Variants in NRXN3 observed in about 807,000 individuals in gnomAD.
The protein encoded by NRXN3 is neurexin 3, also known as neurexin III.
Under a neutral mutation model 137.6 loss-of-function variants are expected in NRXN3, and 32 were observed. The ratio of observed to expected loss-of-function variants is 0.23; its 90% CI spans 0.18 to 0.31. The LOEUF is 0.31. Ranked by LOEUF, NRXN3 falls within the 10% of genes least tolerant of loss-of-function variation. The pLI, the probability that NRXN3 is intolerant of heterozygous loss-of-function variation, is 1.00. For missense variants in NRXN3, 1,574 were observed against 2,062.5 expected, an observed-to-expected ratio of 0.76 and a Z score of 4.59; for synonymous variants, 798 against 784.5, an observed-to-expected ratio of 1.02 and a Z score of -0.29.
At position 79,253,065 on chromosome 14, in the gene NRXN3, A is replaced by G. The variant is rs111797440; in HGVS notation, c.3263-214156A>G. On this transcript the variant is annotated intron_variant, in intron 15 of 20. Coordinates refer to ENST00000335750, the MANE Select transcript of NRXN3 (RefSeq NM_001330195.2). ...ACATGACCCATTGACTAGACCAAGT[A>G]GCGTGACCTGGATGTTGAGGGAAGG... Among the ~76,000 whole-genome samples the G allele has an allele frequency of 7.3e-3, 1,106 of 152,304 alleles. 15 individuals are homozygous for G. Among genetic ancestry groups the G allele is most frequent in the African/African-American group, 0.024 (1,009 of 41,568 alleles).
chr14:79,154,183 C>T (rs1189844755), intron 15 of NRXN3, among the ~76,000 whole-genome samples: 2 of 151,980 alleles, frequency 1.3e-5, no homozygotes, highest in Non-Finnish European at 2.9e-5. Flanking sequence ...ATTCACTTAG[C>T]TTGCAATGTG....
At chr14:78,387,050 G>T (rs955888196) in intron 4 of NRXN3, among the ~76,000 whole-genome samples, 11 of 152,028 alleles carry the variant, frequency 7.2e-5, no homozygotes, top group African/African-American at 1.9e-4. Flanking sequence ...CAAAATGCTG[G>T]GATTACAGGT....
At chr14:78,596,522 C>G (rs994766150) in intron 4 of NRXN3, among the ~76,000 whole-genome samples, 10 of 152,298 alleles carry the variant, frequency 6.6e-5, no homozygotes, top group Middle Eastern at 3.4e-3. Context: ...CATAAAAGTA[C>G]TATATACGTG....
At chr14:78,551,053 C>T (rs557411248) in intron 4 of NRXN3, among the ~76,000 whole-genome samples, 1 of 152,252 alleles carries the variant, frequency 6.6e-6, no homozygotes, top group South Asian at 2.1e-4. Flanking sequence ...GATACAAGAC[C>T]TTTCTCATAC....
Position 79,861,762 on chromosome 14 carries a change from C to T in NRXN3, c.4514C>T (p.Ala1505Val). Residue 1505 changes from alanine (A) to valine (V), a missense_variant, in exon 21 of 21, where the codon GCT becomes GTT. Around this residue, in one of 5 missense-constraint regions of NRXN3, gnomAD observed 320 missense variants for 387.1 expected, o/e 0.83. Coordinates refer to ENST00000335750, the MANE Select transcript of NRXN3 (RefSeq NM_001330195.2). This position sits in a 1 kb window ranked among gnomAD's most constrained non-coding sequence, Gnocchi z 5.4. ...GGGATGGTCGTCGGCATTGTGGCTG[C>T]TGCCGCCCTCTGCATCTTGATCCTC... ...TTGMVVGIVAAAALCILILLY... is the reference protein window; with the variant it reads ...TTGMVVGIVAVAALCILILLY... 6.2e-7 allele frequency: 1 copy of T among 1,613,760 alleles called. No homozygotes were observed. The highest frequency in any genetic ancestry group is 8.5e-7 in the Non-Finnish European group (1 of 1,179,952).
intron 4 of NRXN3, among the ~76,000 whole-genome samples, chr14:78,460,458 A>T (rs944797112): frequency 1.3e-5 from 2 of 152,276 alleles, no homozygotes; most frequent in East Asian, 3.9e-4. Flanking sequence ...TAGTCATTTC[A>T]TTGGCATATA....
At chr14:78,825,144 C>A (rs1204752474) in intron 10 of NRXN3, among the ~76,000 whole-genome samples, 2 of 145,006 alleles carry the variant, frequency 1.4e-5, no homozygotes, top group African/African-American at 5.1e-5. Flanking sequence ...TTGCAGTGAG[C>A]CGAGATTGCA....
At chr14:79,793,085 A>G (rs2099150323) in intron 19 of NRXN3, among the ~76,000 whole-genome samples, 1 of 152,144 alleles carries the variant, frequency 6.6e-6, no homozygotes, top group African/African-American at 2.4e-5. Flanking sequence ...ACACCAATAC[A>G]GGAATACTAG....
chr14:79,023,711 A>G (rs2099593583), intron 15 of NRXN3, among the ~76,000 whole-genome samples: 1 of 152,136 alleles, frequency 6.6e-6, no homozygotes, highest in Non-Finnish European at 1.5e-5. Context: ...TGCCGAGCAA[A>G]GGGGAAAGGC....
At chr14:79,233,666 CTGTGTGTG>C (rs143246182) in intron 15 of NRXN3, among the ~76,000 whole-genome samples, 1 of 144,980 alleles carries the variant, frequency 6.9e-6, no homozygotes, top group African/African-American at 2.5e-5. Context: ...AGTATAACTG[CTGTGTGTG>C]TGTGTGTGTG....
chr14:79,208,777 G>A (rs1036522363), intron 15 of NRXN3, among the ~76,000 whole-genome samples: 6 of 152,174 alleles, frequency 3.9e-5, no homozygotes, highest in African/African-American at 1.4e-4. Flanking sequence ...ATGTAAAAAT[G>A]TTTGTAATTA....
chr14:78,863,156 C>G, intron 10 of NRXN3, among the ~76,000 whole-genome samples: 1 of 152,090 alleles, frequency 6.6e-6, no homozygotes. Context: ...GTCCACAAGT[C>G]AGGCTACAAT....
chr14:79,198,215 T>C (rs1317841644), intron 15 of NRXN3, among the ~76,000 whole-genome samples: 1 of 152,334 alleles, frequency 6.6e-6, no homozygotes, highest in Admixed American at 6.5e-5. Context: ...TGTGCTCTTG[T>C]TTTGAATTGC....
intron 20 of NRXN3, among the ~76,000 whole-genome samples, chr14:79,811,683 G>A (rs547360292): frequency 1.4e-4 from 21 of 146,754 alleles, no homozygotes; most frequent in African/African-American, 5.0e-4. Flanking sequence ...GTGGGTTCAC[G>A]CCATTGTCCT....
chr14:79,557,363 C>T (rs1010683833), intron 16 of NRXN3, among the ~76,000 whole-genome samples: 3 of 152,044 alleles, frequency 2.0e-5, no homozygotes, highest in Non-Finnish European at 4.4e-5. Context: ...GTTCATAGAA[C>T]TCATTATATA....
At chr14:79,805,224 T>A in intron 20 of NRXN3, 34 bp downstream of exon 20, 1 of 1,570,108 alleles carries the variant, frequency 6.4e-7, no homozygotes, top group South Asian at 1.1e-5. Context: ...GCTTGCTTTC[T>A]TTTTTCTTTT....
At chr14:79,211,199 G>A (rs935287896) in intron 15 of NRXN3, among the ~76,000 whole-genome samples, 4 of 152,090 alleles carry the variant, frequency 2.6e-5, no homozygotes, top group African/African-American at 9.7e-5. Context: ...CTGTGCCTCA[G>A]TTTTCTCATC....
At chr14:79,670,796 G>A (rs1272005946) in intron 17 of NRXN3, among the ~76,000 whole-genome samples, 1 of 152,096 alleles carries the variant, frequency 6.6e-6, no homozygotes, top group East Asian at 1.9e-4. Context: ...ACCTGCAGGT[G>A]TATTGTCTGG....
At chr14:78,307,876 A>G (rs989104189) in intron 4 of NRXN3, among the ~76,000 whole-genome samples, 1 of 152,142 alleles carries the variant, frequency 6.6e-6, no homozygotes, top group African/African-American at 2.4e-5. Context: ...CCTTTTAATA[A>G]GCTACTAACT....
Sources: gnomAD v4.1 joint callset for allele counts (sites outside exome capture counted in the v4.1 genomes callset) on GRCh38, gnomAD v4.1.1 for gene constraint, gnomAD v4.1.1 regional missense constraint, Gnocchi (gnomAD v3.1) non-coding constraint, MANE v1.5 for transcripts, NCBI Gene and HGNC (gene_info 2026-07-23, HGNC 2026-07-21) for gene names.